NXPE2: variants seen among roughly 807,000 people sequenced by gnomAD.
The protein encoded by NXPE2 is NXPE family member 2.
NXPE2 carries 34 observed loss-of-function variants against 34.4 expected under a neutral mutation model. That is an observed-to-expected ratio of 0.99 (90% CI 0.75 to 1.31). NXPE2 has a LOEUF of 1.31. Ranked by LOEUF, NXPE2 falls within the 40% of genes most tolerant of loss-of-function variation. The pLI is 0.00. For missense variants in NXPE2, 649 were observed against 672.5 expected (o/e 0.97, Z 0.39); for synonymous variants, 235 against 231.3 (o/e 1.02, Z -0.15).
chr11:114,637,809 T>G, the NXPE2 span, among the ~76,000 whole-genome samples: 2 of 152,074 alleles, frequency 1.3e-5, no homozygotes, highest in Non-Finnish European at 2.9e-5. Flanking sequence ...TCTTCTGGCT[T>G]GTAGAGTTTC....
the NXPE2 span, among the ~76,000 whole-genome samples, chr11:114,775,108 G>A: frequency 1.3e-5 from 2 of 152,240 alleles, no homozygotes; most frequent in Non-Finnish European, 2.9e-5. Context: ...CGCTCTGGGG[G>A]ACTGCCAAGC....
chr11:114,648,008 G>A, the NXPE2 span, among the ~76,000 whole-genome samples: 12 of 151,958 alleles, frequency 7.9e-5, no homozygotes, highest in South Asian at 4.2e-4. Context: ...CCGACTTAAC[G>A]TTTTTTTAAG....
the NXPE2 span, among the ~76,000 whole-genome samples, chr11:114,756,663 T>C: frequency 6.6e-6 from 1 of 152,178 alleles, no homozygotes; most frequent in Non-Finnish European, 1.5e-5. Flanking sequence ...TTCAGTTTTA[T>C]ACAGGGAGAT....
At chr11:114,772,848 C>A in the NXPE2 span, among the ~76,000 whole-genome samples, 497 of 152,258 alleles carry the variant, frequency 3.3e-3, 1 homozygote, top group African/African-American at 0.01. Context: ...AGGCTCATCC[C>A]CTGGAAATCG....
At chr11:114,546,605 A>G in the NXPE2 span, among the ~76,000 whole-genome samples, 1 of 151,704 alleles carries the variant, frequency 6.6e-6, no homozygotes, top group Non-Finnish European at 1.5e-5. Context: ...CCTGGCCAAT[A>G]TTTCTGAGCG....
At chr11:114,734,994 A>C in the NXPE2 span, among the ~76,000 whole-genome samples, 1 of 152,118 alleles carries the variant, frequency 6.6e-6, no homozygotes, top group Admixed American at 6.5e-5. Flanking sequence ...CCTGTAGTCC[A>C]GGCTACTCGG....
chr11:114,701,627 A>G (rs1951366754), intron 3 of NXPE2, among the ~76,000 whole-genome samples: 1 of 152,188 alleles, frequency 6.6e-6, no homozygotes, highest in Non-Finnish European at 1.5e-5. Context: ...ACATCCAAGA[A>G]GTCTCATGGA....
chr11:114,537,033 A>G, the NXPE2 span, among the ~76,000 whole-genome samples: 1 of 152,234 alleles, frequency 6.6e-6, no homozygotes, highest in African/African-American at 2.4e-5. Flanking sequence ...AATCCGCAAT[A>G]AAATACTGGC....
chr11:114,606,904 C>T, the NXPE2 span, among the ~76,000 whole-genome samples: 8 of 151,934 alleles, frequency 5.3e-5, no homozygotes, highest in South Asian at 1.0e-3. Flanking sequence ...ACCACTGTTA[C>T]CCGGTGGATA....
chr11:114,796,286 C>A, the NXPE2 span, among the ~76,000 whole-genome samples: 9 of 152,204 alleles, frequency 5.9e-5, no homozygotes, highest in African/African-American at 2.2e-4. Flanking sequence ...AAGCTCTGTT[C>A]GCATATTAAT....
the NXPE2 span, among the ~76,000 whole-genome samples, chr11:114,502,501 T>G: frequency 6.6e-6 from 1 of 152,206 alleles, no homozygotes; most frequent in African/African-American, 2.4e-5. Flanking sequence ...TTTATAAGAT[T>G]AGGGACTTTC....
At chr11:114,504,205 T>C in the NXPE2 span, among the ~76,000 whole-genome samples, 1 of 152,162 alleles carries the variant, frequency 6.6e-6, no homozygotes. Context: ...CCCCCAGTGA[T>C]GGCTGTTGCA....
At chr11:114,660,726 T>C in the NXPE2 span, among the ~76,000 whole-genome samples, 1 of 152,208 alleles carries the variant, frequency 6.6e-6, no homozygotes, top group Non-Finnish European at 1.5e-5. Context: ...ATCTTGCTGT[T>C]CTTATTCAGC....
the NXPE2 span, among the ~76,000 whole-genome samples, chr11:114,502,126 C>T: frequency 2.6e-5 from 4 of 152,164 alleles, no homozygotes; most frequent in African/African-American, 7.2e-5. Context: ...AACTGTGACA[C>T]ATACAAGTGT....
At chr11:114,563,423 A>T in the NXPE2 span, among the ~76,000 whole-genome samples, 131 of 152,334 alleles carry the variant, frequency 8.6e-4, no homozygotes, top group African/African-American at 3.0e-3. Context: ...CAAACTTGAA[A>T]ATAACTGGGA....
chr11:114,526,902 A>T, the NXPE2 span, among the ~76,000 whole-genome samples: 4 of 152,202 alleles, frequency 2.6e-5, no homozygotes, highest in South Asian at 8.3e-4. Flanking sequence ...AAATCCAGCA[A>T]CACTACCCAT....
the NXPE2 span, chr11:114,571,556 T>C: frequency 8.2e-7 from 1 of 1,226,932 alleles, no homozygotes; most frequent in South Asian, 1.5e-5. Flanking sequence ...AGAGATTTGA[T>C]TGGTATAATT....
Position 114,706,821 on chromosome 11 carries a change from G to T in NXPE2, c.1571G>T (p.Gly524Val). 6.4e-7 allele frequency: 1 copy of T among 1,552,076 alleles called. No homozygotes were observed. Reference sequence around the variant, plus strand: ...GATATTTTTGTGGATCTTAATGTGGGTATTATTGATGCCTGGGACATGACG... The same window carrying T: ...GATATTTTTGTGGATCTTAATGTGGTTATTATTGATGCCTGGGACATGACG... ...IRDIFVDLNV[G>V]IIDAWDMTIA... Residue 524 changes from glycine (G) to valine (V), a missense_variant, in exon 6 of 6, where the codon GGT (glycine) becomes GTT (valine). Coordinates refer to ENST00000389586, the MANE Select transcript of NXPE2 (RefSeq NM_182495.6).
the NXPE2 span, among the ~76,000 whole-genome samples, chr11:114,725,976 A>ATATATATATATATATATATATATATATAT: frequency 1.7e-3 from 170 of 101,422 alleles, 11 homozygotes; most frequent in Middle Eastern, 4.7e-3. Context: ...ATAAAAAAAA[A>ATATATATATATATATATATATATATATAT]ATATATATAT....
Sources: gnomAD v4.1 joint callset for allele counts (sites outside exome capture counted in the v4.1 genomes callset) on GRCh38, gnomAD v4.1.1 for gene constraint, MANE v1.5 for transcripts, NCBI Gene and HGNC (gene_info 2026-07-23, HGNC 2026-07-21) for gene names.